Variants in XPO1 observed in about 807,000 individuals in gnomAD.
XPO1 encodes exportin 1.
XPO1 carries 5 observed loss-of-function variants against 133.3 expected under a neutral mutation model. The ratio of observed to expected loss-of-function variants is 0.04; its 90% confidence interval spans 0.02 to 0.08. The LOEUF is 0.08. XPO1 is among the 10% of genes least tolerant of loss of function. The pLI, the probability that XPO1 is intolerant of heterozygous loss-of-function variation, is 1.00. For missense variants in XPO1, 506 were observed against 1,267.5 expected (o/e 0.40, Z 9.12); for synonymous variants, 419 against 408.2 (o/e 1.03, Z -0.32).
intron 4 of XPO1, among the ~76,000 whole-genome samples, chr2:61,516,543 T>C (rs978971969): frequency 6.6e-6 from 1 of 151,522 alleles, no homozygotes; most frequent in Non-Finnish European, 1.5e-5. Context: ...GCCTCCCCAA[T>C]AGCTGGGATT....
intron 23 of XPO1, among the ~76,000 whole-genome samples, chr2:61,482,034 C>CTTTTTTTTTTTTTTTTT (rs1195049382): frequency 1.4e-4 from 10 of 71,368 alleles, no homozygotes; most frequent in Non-Finnish European, 1.9e-4. Context: ...CGTGCGTGGC[C>CTTTTTTTTTTTTTTTTT]TTTTTTTTTT....
At chr2:61,506,055 T>C (rs1044192060) in intron 4 of XPO1, among the ~76,000 whole-genome samples, 1 of 152,152 alleles carries the variant, frequency 6.6e-6, no homozygotes, top group East Asian at 1.9e-4. Flanking sequence ...TCAAGTACCA[T>C]TGTTCATTCC....
At chr2:61,500,551 G>A (rs991616897) in intron 6 of XPO1, among the ~76,000 whole-genome samples, 4 of 122,110 alleles carry the variant, frequency 3.3e-5, no homozygotes, top group African/African-American at 1.3e-4. Context: ...TGCACTCAAG[G>A]CTGGGCAACA....
chr2:61,489,511 A>G (rs1696860942), intron 17 of XPO1, among the ~76,000 whole-genome samples: 1 of 151,934 alleles, frequency 6.6e-6, no homozygotes, highest in African/African-American at 2.4e-5. Flanking sequence ...AAACGAACAC[A>G]AACGCCTTTT....
chr2:61,528,734 TA>T (rs1267905331), intron 2 of XPO1, among the ~76,000 whole-genome samples: 41 of 804 alleles, frequency 0.051, 1 homozygote, highest in African/African-American at 0.17. Context: ...ACATTTTATT[TA>T]TATATATATA....
At chr2:61,490,216 T>TG in intron 17 of XPO1, among the ~76,000 whole-genome samples, 1 of 150,230 alleles carries the variant, frequency 6.7e-6, no homozygotes, top group Middle Eastern at 3.5e-3. Context: ...TTTTTTTTTT[T>TG]GAGACAGAGT....
Position 61,509,119 on chromosome 2 carries a change from G to C in XPO1, c.302-6809C>G, listed in dbSNP as rs545270286. 4.0e-5 allele frequency among the ~76,000 whole-genome samples: 6 copies of C among 151,614 alleles called. No individual in the cohort carries two copies. In the South Asian group the frequency reaches 6.3e-4, roughly 16 times the overall value. On this transcript the variant is annotated intron_variant, in intron 4 of 24. Coordinates refer to ENST00000401558, the MANE Select transcript of XPO1 (RefSeq NM_003400.4). ...GAGTTCAAGCGATTCTCCTGCCTCA[G>C]CCTCCCAGAGTAGCTGGGATTACAG...
intron 11 of XPO1, 97 bp from the exon 12 acceptor site, chr2:61,494,188 T>A (rs546053711): frequency 8.8e-7 from 1 of 1,140,830 alleles, no homozygotes; most frequent in East Asian, 2.4e-5. Flanking sequence ...TAAAAATTCA[T>A]GTTTTATTCA....
At chr2:61,497,662 A>C (rs911579450) in intron 9 of XPO1, among the ~76,000 whole-genome samples, 1 of 152,202 alleles carries the variant, frequency 6.6e-6, no homozygotes, top group Non-Finnish European at 1.5e-5. Context: ...GAAATGGTCA[A>C]TGTATCTAAG....
chr2:61,480,056 G>A (rs544572410), intron 24 of XPO1, among the ~76,000 whole-genome samples: 1 of 150,082 alleles, frequency 6.7e-6, no homozygotes, highest in South Asian at 2.1e-4. Context: ...GTAGAGATGA[G>A]GTTTCACCAT....
intron 4 of XPO1, chr2:61,502,607 A>T (rs918165501): frequency 4.2e-6 from 1 of 237,348 alleles, no homozygotes; most frequent in African/African-American, 2.3e-5. Flanking sequence ...ACAAAAATTA[A>T]CTGGGCGTGG....
At chr2:61,484,220 G>GA in intron 20 of XPO1, 115 bp from the exon 21 acceptor site, 1 of 896,498 alleles carries the variant, frequency 1.1e-6, no homozygotes, top group Non-Finnish European at 1.7e-6. Context: ...ATAAACCACA[G>GA]AAGATAGAAT....
intron 17 of XPO1, 48 bp downstream of exon 17, chr2:61,490,578 ATTTGTAAAGAACACGT>A: frequency 1.9e-6 from 3 of 1,600,650 alleles, no homozygotes; most frequent in Non-Finnish European, 2.6e-6. Context: ...AATTCAATAC[ATTTGTAAAGAACACGT>A]CTTGTTAAAT....
At chr2:61,526,562 T>C in intron 2 of XPO1, 41 bp from the exon 3 acceptor site, 1 of 1,435,718 alleles carries the variant, frequency 7.0e-7, no homozygotes, top group Admixed American at 2.6e-5. Context: ...AGCTAATGTA[T>C]TCTTTTGAAT....
chr2:61,484,174 C>G, intron 20 of XPO1, 69 bp from the exon 21 acceptor site: 2 of 1,379,130 alleles, frequency 1.5e-6, no homozygotes, highest in East Asian at 4.6e-5. Flanking sequence ...AGGGGAAAAG[C>G]AAGGCTTAAT....
chr2:61,480,482 T>C (rs998104274), intron 24 of XPO1: 11 of 151,872 alleles, frequency 7.2e-5, no homozygotes, highest in Admixed American at 6.6e-5. Context: ...GGTTTCACCA[T>C]GTTGGCCGTG....
intron 4 of XPO1, among the ~76,000 whole-genome samples, chr2:61,505,713 C>T (rs955889670): frequency 2.6e-5 from 4 of 152,062 alleles, no homozygotes; most frequent in African/African-American, 7.2e-5. Context: ...CGTGAGCCAC[C>T]GCACCTGGCT....
chr2:61,536,739 C>G (rs1699369568), intron 1 of XPO1: 2 of 152,622 alleles, frequency 1.3e-5, no homozygotes, highest in African/African-American at 2.4e-5. Context: ...GGCATTTAGA[C>G]CAGGCGCCTT....
intron 4 of XPO1, among the ~76,000 whole-genome samples, chr2:61,518,606 GA>G (rs1308486841): frequency 6.6e-6 from 1 of 151,754 alleles, no homozygotes; most frequent in South Asian, 2.1e-4. Flanking sequence ...AACAGAGCGA[GA>G]CTCTGTCTTA....
Sources: allele counts gnomAD v4.1 joint callset (sites outside exome capture counted in the v4.1 genomes callset), GRCh38; gene constraint gnomAD v4.1.1; transcripts MANE v1.5; gene names NCBI Gene and HGNC (gene_info 2026-07-23, HGNC 2026-07-21).